The following CDH13 variants were observed in gnomAD, a reference collection of about 807,000 sequenced individuals.
CDH13 encodes cadherin 13.
Under a neutral mutation model 63.8 loss-of-function variants are expected in CDH13, and 24 were observed. The ratio of observed to expected loss-of-function variants is 0.38; its 90% CI spans 0.27 to 0.53. CDH13 has a LOEUF of 0.53. CDH13 is among the 20% of genes least tolerant of loss of function. CDH13 has a pLI of 0.85. For missense variants in CDH13, 1,049 were observed against 903.1 expected, an observed-to-expected ratio of 1.16 and a Z score of -2.07; for synonymous variants, 503 against 355.3, an observed-to-expected ratio of 1.42 and a Z score of -4.67.
chr16:83,595,729 G>A (rs1255025304), intron 7 of CDH13, among the ~76,000 whole-genome samples: 1 of 152,200 alleles, frequency 6.6e-6, no homozygotes, highest in East Asian at 1.9e-4. Flanking sequence ...AGCCACACAA[G>A]TCCATTTGAC....
chr16:83,401,687 C>T (rs1274383423), intron 6 of CDH13, among the ~76,000 whole-genome samples: 1 of 151,980 alleles, frequency 6.6e-6, no homozygotes, highest in Non-Finnish European at 1.5e-5. Flanking sequence ...AATAGAGGCA[C>T]CAAGAGGATC....
intron 2 of CDH13, among the ~76,000 whole-genome samples, chr16:82,871,644 A>C (rs907529051): frequency 7.1e-6 from 1 of 140,152 alleles, no homozygotes; most frequent in Non-Finnish European, 1.7e-5. Context: ...TTTGACTGTA[A>C]TCAACAGTAA....
intron 1 of CDH13, chr16:82,637,872 C>G (rs9652670): frequency 0.57 from 86,373 of 152,060 alleles, 24,967 homozygotes; most frequent in Middle Eastern, 0.64. Flanking sequence ...CGTGTCTTCA[C>G]TCAGCGAGTA....
intron 5 of CDH13, among the ~76,000 whole-genome samples, chr16:83,317,527 G>T (rs1314585111): frequency 6.6e-6 from 1 of 152,182 alleles, no homozygotes; most frequent in African/African-American, 2.4e-5. Context: ...GTGAGCGCCA[G>T]TCAAGTGCTG....
intron 10 of CDH13, among the ~76,000 whole-genome samples, 152 bp downstream of exon 10, chr16:83,678,613 T>C (rs926594059): frequency 4.6e-5 from 7 of 151,900 alleles, no homozygotes; most frequent in African/African-American, 1.5e-4. Context: ...AGAGAGGAGG[T>C]TGTGGCTGAC....
At chr16:83,417,112 G>T (rs1029420802) in intron 6 of CDH13, among the ~76,000 whole-genome samples, 6 of 152,136 alleles carry the variant, frequency 3.9e-5, no homozygotes, top group African/African-American at 9.7e-5. Context: ...CTACTTTACA[G>T]ATGAGGAAAA....
chr16:83,291,698 G>A (rs998444021), intron 5 of CDH13, among the ~76,000 whole-genome samples: 8 of 152,108 alleles, frequency 5.3e-5, no homozygotes, highest in South Asian at 2.1e-4. Flanking sequence ...ACTCAAAACC[G>A]GTGGAGATTA....
intron 7 of CDH13, among the ~76,000 whole-genome samples, chr16:83,508,989 G>A (rs986277165): frequency 6.6e-6 from 1 of 152,144 alleles, no homozygotes; most frequent in African/African-American, 2.4e-5. Flanking sequence ...ACAGCTCTGT[G>A]TGCATGAGTG....
rs372311316 is a variant in CDH13 at position 83,284,329 on chromosome 16, A to G, written c.637-60533A>G. ...TGGACTTACTAGCTGTTTGACTTTG[A>G]GCAAATTGCCTGTTAGACCATAAAA... On this transcript the variant is annotated intron_variant, in intron 5 of 13. Coordinates refer to ENST00000567109, the MANE Select transcript of CDH13 (RefSeq NM_001257.5). 1.9e-4 allele frequency among the ~76,000 whole-genome samples: 29 copies of G among 152,308 alleles called. No individual in the cohort carries two copies. The East Asian group carries it at 5.0e-3, about 26-fold the overall frequency.
intron 6 of CDH13, among the ~76,000 whole-genome samples, chr16:83,406,770 C>A (rs1032235638): frequency 6.6e-6 from 1 of 152,136 alleles, no homozygotes; most frequent in African/African-American, 2.4e-5. Context: ...CCAGCCAGCT[C>A]TGCCTCTTTC....
At chr16:82,718,371 C>A (rs540567920) in intron 1 of CDH13, among the ~76,000 whole-genome samples, 1 of 152,264 alleles carries the variant, frequency 6.6e-6, no homozygotes, top group South Asian at 2.1e-4. Flanking sequence ...TGATGGGATT[C>A]ACCGCTGACA....
chr16:83,589,628 G>C (rs956466534), intron 7 of CDH13, among the ~76,000 whole-genome samples: 9 of 152,038 alleles, frequency 5.9e-5, no homozygotes, highest in Admixed American at 2.0e-4. Context: ...AGAGCTTCTA[G>C]ATCCAAAAGC....
chr16:83,752,608 C>G (rs1279606985), intron 11 of CDH13, among the ~76,000 whole-genome samples: 1 of 152,210 alleles, frequency 6.6e-6, no homozygotes, highest in Middle Eastern at 3.2e-3. Context: ...TGATACCTTA[C>G]AGCTGTTTCT....
intron 6 of CDH13, among the ~76,000 whole-genome samples, chr16:83,474,913 C>T (rs560193600): frequency 1.3e-5 from 2 of 152,298 alleles, no homozygotes; most frequent in African/African-American, 2.4e-5. Flanking sequence ...TGAGCCGGTG[C>T]AGTTCTGGGG....
At chr16:82,868,219 G>A (rs1196502032) in intron 2 of CDH13, among the ~76,000 whole-genome samples, 1 of 152,180 alleles carries the variant, frequency 6.6e-6, no homozygotes, top group Non-Finnish European at 1.5e-5. Flanking sequence ...CTATCATTAT[G>A]AAGTTGACGA....
chr16:83,429,621 C>G (rs1567666764), intron 6 of CDH13, among the ~76,000 whole-genome samples: 1 of 152,082 alleles, frequency 6.6e-6, no homozygotes, highest in Non-Finnish European at 1.5e-5. Flanking sequence ...AGCCAAACAA[C>G]CTACTCAGAA....
In CDH13 at chr16:83,602,486, C is replaced by T. The variant is rs368865519; in HGVS notation, c.993C>T (p.Ile331=). Reference sequence around the variant, plus strand: ...AAAATCCCAAGTATGAACTGATCATCGAGGCTCAAGATATGGCTGGACTGG... The same window carrying T: ...AAAATCCCAAGTATGAACTGATCATTGAGGCTCAAGATATGGCTGGACTGG... ...TLENPKYELI[I]EAQDMAGLDV... is the part of the protein sequence containing the mutation. Residue 331 remains isoleucine, a synonymous_variant, in exon 8 of 14, where the codon ATC becomes ATT. Transcript: ENST00000567109. The T allele has an allele frequency of 1.2e-5, 20 of 1,613,722 alleles. No individual in the cohort carries two copies. The highest frequency in any genetic ancestry group is 3.3e-5 in the Admixed American group (2 of 60,000).
At chr16:83,196,072 A>G (rs1168572674) in intron 4 of CDH13, among the ~76,000 whole-genome samples, 1 of 152,134 alleles carries the variant, frequency 6.6e-6, no homozygotes, top group East Asian at 1.9e-4. Flanking sequence ...CCTGGCCAAC[A>G]TGGTGAAACC....
At chr16:83,010,517 G>A (rs909148182) in intron 2 of CDH13, among the ~76,000 whole-genome samples, 8 of 152,090 alleles carry the variant, frequency 5.3e-5, no homozygotes, top group Admixed American at 3.9e-4. Context: ...AGCACTTAAT[G>A]AAGAGGAACC....
Sources: gnomAD v4.1 joint callset for allele counts (sites outside exome capture counted in the v4.1 genomes callset) on GRCh38, gnomAD v4.1.1 for gene constraint, MANE v1.5 for transcripts, NCBI Gene and HGNC (gene_info 2026-07-23, HGNC 2026-07-21) for gene names.